Variants in CYRIA observed in about 807,000 individuals in gnomAD.
CYRIA encodes the protein CYFIP related Rac1 interactor A, also known as CYFIP-related Rac1 interactor A.
A neutral mutation model predicts 43.9 loss-of-function variants in CYRIA; 15 were observed. The ratio of observed to expected loss-of-function variants is 0.34; its 90% CI spans 0.23 to 0.53. The LOEUF is 0.53. Ranked by LOEUF, CYRIA falls within the 20% of genes least tolerant of loss-of-function variation. CYRIA has a pLI of 0.94. For missense variants in CYRIA, 236 were observed against 394.2 expected, an observed-to-expected ratio of 0.60 and a Z score of 3.40; for synonymous variants, 117 against 136.0, an observed-to-expected ratio of 0.86 and a Z score of 0.97.
At chr2:16,625,446 G>C (rs932411460) in intron 1 of CYRIA, among the ~76,000 whole-genome samples, 1 of 152,206 alleles carries the variant, frequency 6.6e-6, no homozygotes, top group Non-Finnish European at 1.5e-5. Context: ...GGAAATGATA[G>C]AGAAAACACA....
intron 6 of CYRIA, 95 bp from the exon 7 acceptor site, chr2:16,561,628 C>G: frequency 1.1e-6 from 1 of 922,348 alleles, no homozygotes; most frequent in South Asian, 1.4e-5. Flanking sequence ...TATAAATACT[C>G]CAGGACTTCT....
intron 2 of CYRIA, among the ~76,000 whole-genome samples, chr2:16,609,030 T>C (rs1371262487): frequency 3.3e-5 from 5 of 151,972 alleles, no homozygotes; most frequent in Admixed American, 6.6e-5. Context: ...ACACAGAGCA[T>C]TGTGGGCGAT....
At chr2:16,642,518 C>T (rs1669704465) in intron 1 of CYRIA, among the ~76,000 whole-genome samples, 1 of 152,218 alleles carries the variant, frequency 6.6e-6, no homozygotes, top group Non-Finnish European at 1.5e-5. Flanking sequence ...AGTTCCACCC[C>T]TGACACCCTG....
At chr2:16,600,463 A>T (rs981247986) in intron 2 of CYRIA, among the ~76,000 whole-genome samples, 3 of 152,218 alleles carry the variant, frequency 2.0e-5, no homozygotes, top group Non-Finnish European at 4.4e-5. Flanking sequence ...CTCAATCCCC[A>T]GGGCACTTAC....
chr2:16,585,061 G>A (rs1667676835), intron 3 of CYRIA, among the ~76,000 whole-genome samples: 1 of 152,122 alleles, frequency 6.6e-6, no homozygotes, highest in Non-Finnish European at 1.5e-5. Flanking sequence ...CTAACACTGA[G>A]TGGCTTACAA....
chr2:16,641,406 T>G (rs1004463765), intron 1 of CYRIA, among the ~76,000 whole-genome samples: 1 of 152,164 alleles, frequency 6.6e-6, no homozygotes, highest in Non-Finnish European at 1.5e-5. Context: ...TAAAATATTC[T>G]TCTTTCTCCT....
rs896663446 is a variant in CYRIA at position 16,598,371 on chromosome 2, A to G, written c.-10-10242T>C. On this transcript the variant is annotated intron_variant, in intron 2 of 11. Coordinates refer to ENST00000381323, the MANE Select transcript of CYRIA (RefSeq NM_030797.4). ...CTCCACATCACTTTCAGGTACACCA[A>G]TCAGACGTAGATTTGGTCTTTTCAT... Among the ~76,000 whole-genome samples, 4 of 87,890 alleles carry G rather than the reference A, an allele frequency of 4.6e-5. 1 individual carries two copies. The highest frequency in any genetic ancestry group is 2.8e-4 in the African/African-American group (4 of 14,436). 57.7% of individuals were successfully genotyped at this position (87,890 alleles called of 152,430 possible). A position where few individuals can be genotyped will look rare whatever the true frequency, so the allele number is the denominator to read the frequency against.
At chr2:16,641,687 G>A (rs1396900373) in intron 1 of CYRIA, among the ~76,000 whole-genome samples, 1 of 152,204 alleles carries the variant, frequency 6.6e-6, no homozygotes, top group Non-Finnish European at 1.5e-5. Context: ...CACCAATGTT[G>A]CATAAGCACA....
chr2:16,571,664 G>A lies in CYRIA; in HGVS notation c.71-5897C>T, dbSNP rs968603180. On this transcript the variant is annotated intron_variant, in intron 3 of 11. Transcript: ENST00000381323. ...TGTCTTTGGTTTTGAAAGATGCCCT[G>A]GCATTTCATCAATAGGATATATAGC... Among the ~76,000 whole-genome samples the A allele has an allele frequency of 5.9e-5, 9 of 152,126 alleles. No individual in the cohort carries two copies. In the South Asian group the frequency reaches 6.2e-4, roughly 11 times the overall value.
At chr2:16,637,250 T>C (rs1221038035) in intron 1 of CYRIA, among the ~76,000 whole-genome samples, 1 of 152,230 alleles carries the variant, frequency 6.6e-6, no homozygotes, top group African/African-American at 2.4e-5. Flanking sequence ...AGATGACTTC[T>C]AGGGACTGAG....
intron 2 of CYRIA, among the ~76,000 whole-genome samples, chr2:16,618,645 T>C (rs766279787): frequency 1.3e-4 from 20 of 152,162 alleles, no homozygotes; most frequent in Non-Finnish European, 2.1e-4. Flanking sequence ...GCTGTTGAGA[T>C]GTTTATGCCA....
intron 11 of CYRIA, 90 bp downstream of exon 11, chr2:16,554,979 A>G (rs1040455886): frequency 1.1e-6 from 1 of 901,464 alleles, no homozygotes; most frequent in Non-Finnish European, 1.7e-6. Flanking sequence ...GCAAGGGTTA[A>G]GTTTGGTGCT....
At chr2:16,559,164 C>A (rs1319725544) in intron 10 of CYRIA, among the ~76,000 whole-genome samples, 2 of 152,164 alleles carry the variant, frequency 1.3e-5, no homozygotes, top group Non-Finnish European at 2.9e-5. Flanking sequence ...GTACAGCACA[C>A]TGGGTAAATG....
intron 2 of CYRIA, among the ~76,000 whole-genome samples, chr2:16,588,999 A>G (rs1437171201): frequency 6.6e-6 from 1 of 152,138 alleles, no homozygotes; most frequent in Non-Finnish European, 1.5e-5. Context: ...TTTTTTTAAT[A>G]AACAGAAAAA....
chr2:16,643,364 GAGATAC>G (rs1460386341), intron 1 of CYRIA, among the ~76,000 whole-genome samples: 2 of 152,138 alleles, frequency 1.3e-5, no homozygotes, highest in Non-Finnish European at 2.9e-5. Flanking sequence ...CCAGGGCCTG[GAGATAC>G]AGTCTTCTTC....
At chr2:16,588,988 C>CT (rs936689934) in intron 2 of CYRIA, among the ~76,000 whole-genome samples, 1 of 152,056 alleles carries the variant, frequency 6.6e-6, no homozygotes, top group African/African-American at 2.4e-5. Context: ...AAATGTAGGG[C>CT]TTTTTTTAAT....
chr2:16,619,419 TACCCCAAGAGTTCC>T (rs888151998), intron 2 of CYRIA, among the ~76,000 whole-genome samples: 8 of 152,090 alleles, frequency 5.3e-5, no homozygotes, highest in Non-Finnish European at 1.0e-4. Flanking sequence ...ATACATATTC[TACCCCAAGAGTTCC>T]ACCCCAAGAG....
intron 2 of CYRIA, among the ~76,000 whole-genome samples, chr2:16,592,678 G>A (rs1221670224): frequency 6.6e-6 from 1 of 152,056 alleles, no homozygotes; most frequent in African/African-American, 2.4e-5. Flanking sequence ...AATATGATGT[G>A]TTGACTCAGC....
chr2:16,612,885 T>C (rs1182764138), intron 2 of CYRIA, among the ~76,000 whole-genome samples: 15 of 152,190 alleles, frequency 9.9e-5, no homozygotes, highest in Admixed American at 9.8e-4. Flanking sequence ...GGGAGGTAAT[T>C]GAATCATGGT....
Sources: allele counts gnomAD v4.1 joint callset (sites outside exome capture counted in the v4.1 genomes callset), GRCh38; gene constraint gnomAD v4.1.1; transcripts MANE v1.5; gene names NCBI Gene and HGNC (gene_info 2026-07-23, HGNC 2026-07-21).